The following GRIK1 variants were observed in gnomAD, a reference collection of about 807,000 sequenced individuals.
GRIK1 encodes the protein glutamate ionotropic receptor kainate type subunit 1.
Under a neutral mutation model 105.7 loss-of-function variants are expected in GRIK1, and 69 were observed. The observed-to-expected ratio is 0.65, with a 90% CI of 0.54 to 0.80. GRIK1 has a LOEUF of 0.80. GRIK1 is among the 30% of genes least tolerant of loss of function. The probability of loss-of-function intolerance (pLI) is 0.00; values close to 1 mark genes in which losing one functional copy is unlikely to be tolerated. For synonymous variants in GRIK1, 438 were observed against 431.3 expected (o/e 1.02, Z -0.19); for missense variants, 1,109 against 1,167.3 (o/e 0.95, Z 0.73).
At chr21:29,596,072 G>A (rs371449466) in intron 9 of GRIK1, 2 of 262,402 alleles carry the variant, frequency 7.6e-6, no homozygotes, top group Admixed American at 5.0e-5. Flanking sequence ...TTCATATTTT[G>A]TGGTGGTGAC....
chr21:29,663,547 C>T (rs2063006720), intron 4 of GRIK1, among the ~76,000 whole-genome samples: 1 of 152,138 alleles, frequency 6.6e-6, no homozygotes, highest in South Asian at 2.1e-4. Context: ...TACAGCTTTT[C>T]TTGTGATTTT....
chr21:29,851,200 G>A (rs146871546), intron 1 of GRIK1, among the ~76,000 whole-genome samples: 3 of 152,052 alleles, frequency 2.0e-5, no homozygotes, highest in African/African-American at 4.8e-5. Flanking sequence ...AACTACAAGC[G>A]TGAGCCACCA....
intron 1 of GRIK1, among the ~76,000 whole-genome samples, chr21:29,694,532 A>ACATG (rs2063656860): frequency 6.6e-6 from 1 of 152,234 alleles, no homozygotes; most frequent in Non-Finnish European, 1.5e-5. Flanking sequence ...AGCATGTGCC[A>ACATG]CATGCAGATA....
In GRIK1 at chr21:29,560,582, T is replaced by TTCTC. The variant is rs1279388019; in HGVS notation, c.2356+1041_2356+1042insGAGA. Among the ~76,000 whole-genome samples the TTCTC allele has an allele frequency of 1.1e-3, 128 of 116,448 alleles. 1 individual carries two copies. The highest frequency in any genetic ancestry group is 1.7e-3 in the Non-Finnish European group (98 of 56,620). 76.4% of individuals were successfully genotyped at this position (116,448 alleles called of 152,430 possible). On this transcript the variant is annotated intron_variant, in intron 15 of 17. Transcript: ENST00000327783. ...TTTCTTTCTTTCTTTCTTTCTCTCTTTCTTTCTTTCTCTCCTTCCTTCCTT... is the reference window on the plus strand; with the variant it reads ...TTTCTTTCTTTCTTTCTTTCTCTCTTTCTCTCTTTCTTTCTCTCCTTCCTTCCTT...
chr21:29,635,417 C>T (rs1477343964), intron 7 of GRIK1, among the ~76,000 whole-genome samples: 1 of 152,192 alleles, frequency 6.6e-6, no homozygotes, highest in African/African-American at 2.4e-5. Context: ...TGTGTGTCCA[C>T]ACTGCCCAGT....
At chr21:29,622,636 G>C (rs2062032582) in intron 7 of GRIK1, among the ~76,000 whole-genome samples, 1 of 152,138 alleles carries the variant, frequency 6.6e-6, no homozygotes, top group Non-Finnish European at 1.5e-5. Context: ...AGCCTCCTAG[G>C]GGGACCATGC....
At chr21:29,734,752 A>G (rs991773963) in intron 1 of GRIK1, among the ~76,000 whole-genome samples, 6 of 152,116 alleles carry the variant, frequency 3.9e-5, no homozygotes, top group Non-Finnish European at 5.9e-5. Flanking sequence ...ATTGAACTCA[A>G]CATTCTTGTC....
intron 1 of GRIK1, among the ~76,000 whole-genome samples, chr21:29,872,141 A>G (rs1320643687): frequency 1.3e-5 from 2 of 151,708 alleles, no homozygotes; most frequent in Non-Finnish European, 2.9e-5. Flanking sequence ...CTATATGTAT[A>G]CATTGTGGAT....
intron 1 of GRIK1, among the ~76,000 whole-genome samples, chr21:29,904,277 T>A (rs1245820863): frequency 2.0e-5 from 3 of 151,350 alleles, no homozygotes; most frequent in African/African-American, 7.3e-5. Flanking sequence ...ATAATAATCA[T>A]TAAAAAAAGA....
intron 1 of GRIK1, among the ~76,000 whole-genome samples, chr21:29,826,696 A>G (rs76594836): frequency 1.1e-3 from 163 of 152,184 alleles, no homozygotes; most frequent in East Asian, 4.2e-3. Context: ...GTATGAACGT[A>G]TATAAATATA....
intron 7 of GRIK1, among the ~76,000 whole-genome samples, chr21:29,600,900 C>A (rs985575294): frequency 6.6e-6 from 1 of 152,122 alleles, no homozygotes; most frequent in African/African-American, 2.4e-5. Flanking sequence ...AGTAAATTTT[C>A]GTATTTATGC....
intron 1 of GRIK1, among the ~76,000 whole-genome samples, chr21:29,929,873 A>G (rs1019082692): frequency 1.3e-5 from 2 of 152,238 alleles, no homozygotes; most frequent in African/African-American, 4.8e-5. Flanking sequence ...ACTTCAGTTC[A>G]TTGCCACGTT....
intron 1 of GRIK1, among the ~76,000 whole-genome samples, chr21:29,846,194 C>T (rs1012397671): frequency 7.5e-6 from 1 of 132,774 alleles, no homozygotes; most frequent in African/African-American, 3.1e-5. Flanking sequence ...AGTTCGAGAC[C>T]GGCCTGACTA....
intron 1 of GRIK1, among the ~76,000 whole-genome samples, chr21:29,729,340 T>A (rs1269348301): frequency 2.0e-5 from 3 of 152,114 alleles, no homozygotes; most frequent in African/African-American, 7.2e-5. Context: ...AGGTGGAGAA[T>A]CTTGGCAGCA....
intron 1 of GRIK1, among the ~76,000 whole-genome samples, chr21:29,749,832 T>G (rs1315971952): frequency 6.6e-6 from 1 of 152,232 alleles, no homozygotes; most frequent in African/African-American, 2.4e-5. Flanking sequence ...GAGTCTCAAT[T>G]TCTTATCTGT....
At chr21:29,543,946 G>T (rs1056676916) in intron 16 of GRIK1, among the ~76,000 whole-genome samples, 18 of 152,114 alleles carry the variant, frequency 1.2e-4, no homozygotes, top group Admixed American at 3.9e-4. Flanking sequence ...CCTTTTTCCC[G>T]TGTTTGCTAA....
At chr21:29,604,568 C>G (rs1439151157) in intron 7 of GRIK1, among the ~76,000 whole-genome samples, 1 of 152,118 alleles carries the variant, frequency 6.6e-6, no homozygotes, top group Non-Finnish European at 1.5e-5. Context: ...AGGGCTGAAG[C>G]ATATACAATT....
chr21:29,764,118 A>G (rs2065597675), intron 1 of GRIK1: 1 of 152,244 alleles, frequency 6.6e-6, no homozygotes. Context: ...TCAGTCAGAG[A>G]CTGAAGATGA....
chr21:29,604,848 T>A (rs2061582036), intron 7 of GRIK1, among the ~76,000 whole-genome samples: 1 of 152,058 alleles, frequency 6.6e-6, no homozygotes, highest in South Asian at 2.1e-4. Flanking sequence ...AATCAAGAGG[T>A]AAAAGAAGAA....
Sources: gnomAD v4.1 joint callset for allele counts (sites outside exome capture counted in the v4.1 genomes callset) on GRCh38, gnomAD v4.1.1 for gene constraint, MANE v1.5 for transcripts, NCBI Gene and HGNC (gene_info 2026-07-23, HGNC 2026-07-21) for gene names.